The following ANK3 variants were observed in gnomAD, a reference collection of about 807,000 sequenced individuals.
ANK3 encodes ankyrin 3.
A neutral mutation model predicts 370.9 loss-of-function variants in ANK3; 57 were observed. The ratio of observed to expected loss-of-function variants is 0.15; its 90% CI spans 0.12 to 0.19. ANK3 has a LOEUF of 0.19. Ranked by LOEUF, ANK3 falls within the 10% of genes least tolerant of loss-of-function variation. ANK3 has a pLI of 1.00. For missense variants in ANK3, 4,439 were observed against 5,302.1 expected (o/e 0.84, Z 5.06); for synonymous variants, 1,929 against 1,946.3 (o/e 0.99, Z 0.23).
chr10:60,667,912 T>C (rs2079018526), intron 1 of ANK3, among the ~76,000 whole-genome samples: 1 of 151,600 alleles, frequency 6.6e-6, no homozygotes, highest in Non-Finnish European at 1.5e-5. Flanking sequence ...AGAAGGCTTG[T>C]TAAAAACACA....
intron 4 of ANK3, among the ~76,000 whole-genome samples, chr10:60,274,971 T>A (rs1035239299): frequency 2.6e-5 from 4 of 152,202 alleles, no homozygotes; most frequent in African/African-American, 9.6e-5. Flanking sequence ...GGTTGAGGCA[T>A]CATTAACTCA....
At chr10:60,711,196 A>G (rs2079700314) in intron 1 of ANK3, among the ~76,000 whole-genome samples, 1 of 152,180 alleles carries the variant, frequency 6.6e-6, no homozygotes, top group Admixed American at 6.5e-5. Context: ...TCTAAGAGAG[A>G]ATCAAATGGA....
In ANK3 at chr10:60,576,249, C is replaced by T. The variant is rs192278526; in HGVS notation, c.96+38937G>A. On this transcript the variant is annotated intron_variant, in intron 2 of 43. Coordinates refer to the ANK3 transcript ENST00000373827. Reference sequence around the variant, plus strand: ...GAATTCACTGCCTACTTAGAGTTCACTCCCGATAGAAGTCATCACAAACTA... The same window carrying T: ...GAATTCACTGCCTACTTAGAGTTCATTCCCGATAGAAGTCATCACAAACTA... Among the ~76,000 whole-genome samples the T allele has an allele frequency of 3.7e-3, 569 of 152,302 alleles. 2 individuals carry two copies. The highest frequency in any genetic ancestry group is 0.013 in the African/African-American group (549 of 41,574).
intron 16 of ANK3, among the ~76,000 whole-genome samples, chr10:60,194,219 C>T (rs1243748079): frequency 6.6e-6 from 1 of 152,208 alleles, no homozygotes; most frequent in Non-Finnish European, 1.5e-5. Flanking sequence ...AAATTCCTTA[C>T]AAATTTTTCT....
At chr10:60,059,882 A>G (rs2080002467) in intron 40 of ANK3, 6 of 1,614,230 alleles carry the variant, frequency 3.7e-6, no homozygotes, top group Non-Finnish European at 5.1e-6. Context: ...TCAGTCTACT[A>G]GGGGTTCTAA....
At chr10:60,479,013 T>G (rs1287728864) in intron 2 of ANK3, among the ~76,000 whole-genome samples, 1 of 152,276 alleles carries the variant, frequency 6.6e-6, no homozygotes, top group East Asian at 1.9e-4. Context: ...CAAACCACGA[T>G]CTCATCTTTA....
At chr10:60,265,016 A>G (rs182862587) in intron 5 of ANK3, among the ~76,000 whole-genome samples, 2 of 139,820 alleles carry the variant, frequency 1.4e-5, no homozygotes, top group East Asian at 3.9e-4. Flanking sequence ...AAATATTTAT[A>G]GGGGTACAAG....
intron 13 of ANK3, among the ~76,000 whole-genome samples, chr10:60,199,095 G>T (rs902814978): frequency 1.3e-5 from 2 of 152,136 alleles, no homozygotes; most frequent in South Asian, 4.1e-4. Flanking sequence ...GGCTGCATCT[G>T]TCTAAACTGG....
rs767023596 is a variant in ANK3, at chr10:60,069,089, G to A, written c.11792C>T (p.Ala3931Val). The A allele has an allele frequency of 6.2e-7, 1 of 1,614,014 alleles. No homozygotes were observed. The highest frequency in any genetic ancestry group is 1.1e-5 in the South Asian group (1 of 91,076). The change falls in exon 37 of 44, where the codon GCC becomes GTC. Residue 3931 changes from alanine to valine, a missense_variant. Around this residue, in one of 13 missense-constraint regions of ANK3, gnomAD observed 496 missense variants for 529.3 expected, o/e 0.94. Transcript: ENST00000280772. ...CTCTGGCTGCCCTTGCTTTTGTGTG[G>A]CACATGCTTTTCTAACTGCAATTAT... The part of the protein sequence containing the change: ...DNIIAVRKAC[A>V]TQKQGQPEKG...
chr10:60,321,609 C>T (rs941375810), intron 1 of ANK3, among the ~76,000 whole-genome samples: 1 of 152,166 alleles, frequency 6.6e-6, no homozygotes, highest in African/African-American at 2.4e-5. Context: ...GTCACAGTGT[C>T]CTCGTTAGAT....
intron 2 of ANK3, among the ~76,000 whole-genome samples, chr10:60,462,478 T>C (rs12761294): frequency 0.078 from 11,886 of 152,146 alleles, 630 homozygotes; most frequent in Middle Eastern, 0.15. Flanking sequence ...TCTTAAAGAG[T>C]TCTAAGACTT....
At chr10:60,177,811 A>T (rs2096018904) in intron 18 of ANK3, among the ~76,000 whole-genome samples, 2 of 152,028 alleles carry the variant, frequency 1.3e-5, no homozygotes, top group African/African-American at 2.4e-5. Flanking sequence ...CGTGTTAGCC[A>T]GGATGGTCTC....
chr10:60,275,432 T>C (rs537025409), intron 4 of ANK3, among the ~76,000 whole-genome samples: 5 of 152,292 alleles, frequency 3.3e-5, no homozygotes. Context: ...ATTTCATCCA[T>C]GAAATTTTTC....
At chr10:60,327,213 AT>A (rs1457390607) in intron 1 of ANK3, among the ~76,000 whole-genome samples, 44 of 152,292 alleles carry the variant, frequency 2.9e-4, no homozygotes, top group African/African-American at 1.0e-3. Flanking sequence ...TTCTATGCCT[AT>A]TCTTTCGTAG....
At chr10:60,240,048 C>CATATATGTGA (rs1565912088) in intron 7 of ANK3, among the ~76,000 whole-genome samples, 21 of 143,434 alleles carry the variant, frequency 1.5e-4, no homozygotes, top group South Asian at 4.3e-4. Flanking sequence ...CATATATATA[C>CATATATGTGA]ATATATACAC....
At chr10:60,324,164 GA>G (rs1044916620) in intron 1 of ANK3, among the ~76,000 whole-genome samples, 2 of 152,168 alleles carry the variant, frequency 1.3e-5, no homozygotes, top group African/African-American at 4.8e-5. Context: ...AGAGAAGGGA[GA>G]AATGCTGGAG....
intron 2 of ANK3, among the ~76,000 whole-genome samples, chr10:60,453,045 A>C (rs917805186): frequency 6.6e-6 from 1 of 152,236 alleles, no homozygotes; most frequent in African/African-American, 2.4e-5. Context: ...TTTTAAAGAA[A>C]ACTAAATTTA....
At position 60,071,834 on chromosome 10, in the gene ANK3, T is replaced by C; in HGVS notation, c.9047A>G (p.Lys3016Arg). 6.2e-7 allele frequency: 1 copy of C among 1,612,968 alleles called. No individual in the cohort carries two copies. Among genetic ancestry groups the C allele is most frequent in the South Asian group, 1.1e-5 (1 of 90,902 alleles). The part of the protein sequence containing the change: ...TQHFNSIEDE[K>R]VTYSEISKVS... ...TTTGCTGATTTCTGAATAGGTAACTTTTTCATCTTCTATAGAATTAAAGTG... is the reference window on the plus strand; with the variant it reads ...TTTGCTGATTTCTGAATAGGTAACTCTTTCATCTTCTATAGAATTAAAGTG... The change falls in exon 37 of 44, where the codon AAA (lysine) becomes AGA (arginine). Residue 3016 changes from lysine to arginine, a missense_variant. Transcript: ENST00000280772.
intron 1 of ANK3, among the ~76,000 whole-genome samples, chr10:60,283,520 T>A (rs1176919994): frequency 6.6e-6 from 1 of 152,126 alleles, no homozygotes; most frequent in Non-Finnish European, 1.5e-5. Flanking sequence ...CAAAAATGAA[T>A]ATGAACAGGT....
Sources: gnomAD v4.1 joint callset for allele counts (sites outside exome capture counted in the v4.1 genomes callset) on GRCh38, gnomAD v4.1.1 for gene constraint, gnomAD v4.1.1 regional missense constraint, MANE v1.5 for transcripts, NCBI Gene and HGNC (gene_info 2026-07-23, HGNC 2026-07-21) for gene names.